Variants in KIF3B observed in about 807,000 individuals in gnomAD.
KIF3B encodes kinesin family member 3B.
Under a neutral mutation model 74.3 loss-of-function variants are expected in KIF3B, and 38 were observed. That is an observed-to-expected ratio of 0.51 (90% CI 0.39 to 0.67). KIF3B has a LOEUF of 0.67. Among genes scored for constraint, KIF3B ranks in the 30% least tolerant of loss-of-function variants. The pLI is 0.00. For missense variants in KIF3B, 649 were observed against 932.0 expected (o/e 0.70, Z 3.95); for synonymous variants, 326 against 342.5 (o/e 0.95, Z 0.53).
rs1251790237 is a variant in KIF3B, at chr20:32,310,267, C to T, written c.490C>T (p.Leu164Phe). The change falls in exon 2 of 9, where the codon CTT (leucine) becomes TTT (phenylalanine). Residue 164 changes from leucine (L) to phenylalanine (F), a missense_variant. By Grantham distance (22) the Leu-to-Phe change is conservative. Coordinates refer to ENST00000375712, the MANE Select transcript of KIF3B (RefSeq NM_004798.4). This position sits in a 1 kb window ranked among gnomAD's most constrained non-coding sequence, Gnocchi z 6.5. ...DLLSKDQTKR[L>F]ELKERPDTGV... ...GCTCTCAAAGGATCAGACCAAAAGG[C>T]TTGAGCTCAAAGAGAGGCCTGACAC... The T allele has an allele frequency of 2.5e-6, 4 of 1,613,778 alleles. No homozygotes were observed. The highest frequency in any genetic ancestry group is 2.7e-5 in the African/African-American group (2 of 74,916).
At chr20:32,293,218 C>T (rs2047701498) in intron 1 of KIF3B, among the ~76,000 whole-genome samples, 1 of 152,146 alleles carries the variant, frequency 6.6e-6, no homozygotes, top group African/African-American at 2.4e-5. Flanking sequence ...TGTGCCACTG[C>T]ACTCCAGCCT....
intron 5 of KIF3B, among the ~76,000 whole-genome samples, chr20:32,326,420 T>C (rs146720379): frequency 1.3e-5 from 2 of 152,280 alleles, no homozygotes; most frequent in East Asian, 3.9e-4. Flanking sequence ...ATACTTCAGG[T>C]AGCAAATGTT....
rs1318549905 is a variant in KIF3B at position 32,334,317 on chromosome 20, G to C, written c.*2998G>C. On this transcript the variant is annotated 3_prime_UTR_variant, in exon 9 of 9. Transcript: ENST00000375712. ...CTTTCTTAAGACTGACCTAACGCTG[G>C]ATTATTTCCCGTCCAATGCCTGCAT... 2 of 152,574 alleles carry C rather than the reference G, an allele frequency of 1.3e-5. No homozygotes were observed. The highest frequency in any genetic ancestry group is 2.9e-5 in the Non-Finnish European group (2 of 68,074). 9.5% of individuals were successfully genotyped at this position (152,574 alleles called of 1,614,324 possible). A position where few individuals can be genotyped will look rare whatever the true frequency, so the allele number is the denominator to read the frequency against.
rs967630441 is a variant in KIF3B, at chr20:32,280,690, G to A, written c.-66+2925G>A. On this transcript the variant is annotated intron_variant, in intron 1 of 8. Transcript: ENST00000375712. ...AGATTGCGCCACTGCACTCCAGCCT[G>A]GGCGACAGAGCAAGACTCCGTCTCA... Among the ~76,000 whole-genome samples, 8 of 140,576 alleles carry A rather than the reference G, an allele frequency of 5.7e-5. No individual in the cohort carries two copies. In the South Asian group the frequency reaches 6.9e-4, roughly 12 times the overall value. The allele number at this position is 140,576 out of a possible 152,430, so 92.2% of individuals were successfully genotyped here.
chr20:32,279,719 C>T (rs2047633395), intron 1 of KIF3B, among the ~76,000 whole-genome samples: 1 of 152,216 alleles, frequency 6.6e-6, no homozygotes, highest in African/African-American at 2.4e-5. Flanking sequence ...CTGCCTTGGC[C>T]TCCCAAAGGA....
At chr20:32,284,635 C>CAGA (rs776529649) in intron 1 of KIF3B, among the ~76,000 whole-genome samples, 22 of 152,062 alleles carry the variant, frequency 1.4e-4, no homozygotes, top group African/African-American at 4.8e-4. Flanking sequence ...TTTTTAAAAA[C>CAGA]AGAAGAAGAA....
At chr20:32,285,946 T>A (rs1787052916) in intron 1 of KIF3B, among the ~76,000 whole-genome samples, 1 of 152,256 alleles carries the variant, frequency 6.6e-6, no homozygotes, top group Non-Finnish European at 1.5e-5. Flanking sequence ...TCTCACTTTG[T>A]CACACTGATT....
chr20:32,306,153 G>A (rs559985601), intron 1 of KIF3B, among the ~76,000 whole-genome samples: 6 of 151,126 alleles, frequency 4.0e-5, no homozygotes, highest in Non-Finnish European at 8.8e-5. Context: ...CCAGCACTTT[G>A]GGAGGCCGAG....
Position 32,331,325 on chromosome 20 carries a change from G to A in KIF3B, c.*6G>A. ...GGGGGCTGGTTCCAAAGTAAAGCCA[G>A]CTTCTCCTCTCCCAGGGCGGAAACA... On this transcript the variant is annotated 3_prime_UTR_variant, in exon 9 of 9. Coordinates refer to ENST00000375712, the MANE Select transcript of KIF3B (RefSeq NM_004798.4). The A allele has an allele frequency of 6.2e-7, 1 of 1,601,384 alleles. No homozygotes were observed. Among genetic ancestry groups the A allele is most frequent in the Non-Finnish European group, 8.5e-7 (1 of 1,174,012 alleles).
rs541496001 is a variant in KIF3B, at chr20:32,306,688, G to A, written c.-65-3025G>A. 1.3e-4 allele frequency among the ~76,000 whole-genome samples: 19 copies of A among 147,164 alleles called. No individual in the cohort carries two copies. In the East Asian group the frequency reaches 3.9e-3, roughly 30 times the overall value. On this transcript the variant is annotated intron_variant, in intron 1 of 8. Transcript: ENST00000375712. ...CACTGCAATGCAACCGCCACCTCCC[G>A]GGTTCAAGCAATTCTCCTGTCTCAG...
At chr20:32,280,912 C>A (rs2047640189) in intron 1 of KIF3B, among the ~76,000 whole-genome samples, 1 of 152,106 alleles carries the variant, frequency 6.6e-6, no homozygotes, top group Admixed American at 6.6e-5. Context: ...CTGCATTTGA[C>A]ATCTTTAAAT....
At chr20:32,292,343 A>G (rs1048466190) in intron 1 of KIF3B, among the ~76,000 whole-genome samples, 1 of 152,022 alleles carries the variant, frequency 6.6e-6, no homozygotes, top group Non-Finnish European at 1.5e-5. Flanking sequence ...GACCTGTAAT[A>G]CCAGCAGTTT....
At chr20:32,311,853 A>G (rs1415310634) in intron 2 of KIF3B, among the ~76,000 whole-genome samples, 7 of 138,072 alleles carry the variant, frequency 5.1e-5, no homozygotes, top group Admixed American at 1.6e-4. Context: ...CCCAGGCTGG[A>G]GTGCAGTGGC....
chr20:32,297,668 C>T (rs2122671489), intron 1 of KIF3B, among the ~76,000 whole-genome samples: 1 of 152,048 alleles, frequency 6.6e-6, no homozygotes, highest in South Asian at 2.1e-4. Flanking sequence ...AAGAGCCAGC[C>T]AGGAAGTATA....
chr20:32,303,948 C>T (rs1439232756), intron 1 of KIF3B, among the ~76,000 whole-genome samples: 2 of 151,888 alleles, frequency 1.3e-5, no homozygotes, highest in Non-Finnish European at 2.9e-5. Flanking sequence ...TCTGGAATGA[C>T]CCTCTGACAA....
intron 1 of KIF3B, among the ~76,000 whole-genome samples, chr20:32,296,393 G>T (rs112031372): frequency 6.6e-6 from 1 of 151,982 alleles, no homozygotes; most frequent in Non-Finnish European, 1.5e-5. Context: ...ACCTGAGGCC[G>T]GGAGTTCAAG....
At chr20:32,289,373 T>C (rs1055270235) in intron 1 of KIF3B, among the ~76,000 whole-genome samples, 1 of 152,114 alleles carries the variant, frequency 6.6e-6, no homozygotes, top group Non-Finnish European at 1.5e-5. Flanking sequence ...TTTGTATTTT[T>C]AGTAAAGACG....
intron 1 of KIF3B, among the ~76,000 whole-genome samples, chr20:32,289,532 C>T (rs577668385): frequency 6.6e-6 from 1 of 152,256 alleles, no homozygotes; most frequent in East Asian, 1.9e-4. Context: ...CCCTTTCAAA[C>T]CAATGGTGAT....
chr20:32,280,385 G>A (rs942394093), intron 1 of KIF3B, among the ~76,000 whole-genome samples: 3 of 152,014 alleles, frequency 2.0e-5, no homozygotes, highest in African/African-American at 7.2e-5. Context: ...GTTGGCCCCA[G>A]GAACCTGTAA....
Sources: gnomAD v4.1 joint callset for allele counts (sites outside exome capture counted in the v4.1 genomes callset) on GRCh38, gnomAD v4.1.1 for gene constraint, Gnocchi (gnomAD v3.1) non-coding constraint, MANE v1.5 for transcripts, NCBI Gene and HGNC (gene_info 2026-07-23, HGNC 2026-07-21) for gene names.